The following LANCL3 variants were observed in gnomAD, a reference collection of about 807,000 sequenced individuals.
LANCL3 encodes LanC like family member 3, also known as lanC-like protein 3.
In LANCL3, 19 loss-of-function variants were observed where a neutral mutation model predicts 26.5. The observed-to-expected ratio is 0.72, with a 90% confidence interval of 0.50 to 1.05. The LOEUF (loss-of-function observed/expected upper bound fraction) is 1.05, where lower values mean the gene tolerates loss of function less well. Among genes scored for constraint, LANCL3 ranks in the 50% least tolerant of loss-of-function variants. The pLI, the probability that LANCL3 is intolerant of heterozygous loss-of-function variation, is 0.00. For missense variants in LANCL3, 318 were observed against 362.7 expected (o/e 0.88, Z 1.00); for synonymous variants, 160 against 166.6 (o/e 0.96, Z 0.30).
Position 37,636,552 on chromosome X carries a change from T to C in LANCL3, c.574-19136T>C, listed in dbSNP as rs987574223. Among the ~76,000 whole-genome samples the C allele has an allele frequency of 3.5e-5, 4 of 112,748 alleles. No homozygotes were observed. The Admixed American group carries it at 3.8e-4, about 11-fold the overall frequency. The stretch of plus-strand genomic sequence containing the variant: ...CTTATATGAAAGTCAGCTAGAAATT[T>C]GAATTTCTTCGCTTATTATATGGGT... On this transcript the variant is annotated intron_variant, in intron 1 of 4. Transcript: ENST00000378619.
rs782160757 is a variant in LANCL3, at chrX:37,599,955, TATTTGTATTG to T, written c.573+27513_573+27522del. On this transcript the variant is annotated intron_variant, in intron 1 of 4. Coordinates refer to ENST00000378619, the MANE Select transcript of LANCL3 (RefSeq NM_001170331.2). ...CAGGCAGCCTGCCAGACTTCTGAGA[TATTTGTATTG>T]GCTCATCGAGGTGACAGGAAGAAGT... Among the ~76,000 whole-genome samples, 864 of 112,187 alleles carry T rather than the reference TATTTGTATTG, an allele frequency of 7.7e-3. 11 individuals are homozygous for T. Among genetic ancestry groups the T allele is most frequent in the African/African-American group, 0.026 (814 of 30,899 alleles).
In LANCL3 at chrX:37,675,665, T is replaced by A; in HGVS notation, c.1115T>A (p.Phe372Tyr). Residue 372 changes from phenylalanine to tyrosine, a missense_variant, in exon 5 of 5, where the codon TTC becomes TAC. Coordinates refer to ENST00000378619, the MANE Select transcript of LANCL3 (RefSeq NM_001170331.2). Reference protein sequence around the residue: ...YIYRAQRFAQFLFTEEFKAGS... With the variant: ...YIYRAQRFAQYLFTEEFKAGS... ...TCTTCTTCTCTTAGGTTTGCTCAAT[T>A]CTTATTTACCGAGGAATTCAAGGCC... is the stretch of plus-strand genomic sequence containing the variant. 1 of 1,135,151 alleles carries A rather than the reference T, an allele frequency of 8.8e-7. No individual in the cohort carries two copies. Among genetic ancestry groups the A allele is most frequent in the Non-Finnish European group, 1.2e-6 (1 of 856,859 alleles). The allele number at this position is 1,135,151 out of a possible 1,213,427, so 93.5% of individuals were successfully genotyped here.
intron 1 of LANCL3, among the ~76,000 whole-genome samples, chrX:37,586,987 T>C (rs1924108266): frequency 8.9e-6 from 1 of 112,619 alleles, no homozygotes; most frequent in Non-Finnish European, 1.9e-5. Context: ...GTGGATGTAC[T>C]TTCAGTTTGT....
chrX:37,622,587 T>C (rs1925197027), intron 1 of LANCL3, among the ~76,000 whole-genome samples: 1 of 111,877 alleles, frequency 8.9e-6, no homozygotes, highest in Non-Finnish European at 1.9e-5. Flanking sequence ...AATACATGAA[T>C]TGCACACTTC....
At chrX:37,625,754 A>G (rs1925296448) in intron 1 of LANCL3, among the ~76,000 whole-genome samples, 2 of 110,728 alleles carry the variant, frequency 1.8e-5, no homozygotes, top group South Asian at 7.7e-4. Context: ...TCAGTACCTC[A>G]GTGTTCTCAT....
intron 1 of LANCL3, among the ~76,000 whole-genome samples, chrX:37,619,240 C>G (rs1925089848): frequency 9.0e-6 from 1 of 111,585 alleles, no homozygotes; most frequent in Admixed American, 9.5e-5. Flanking sequence ...CAATTATTAC[C>G]AACATTACCT....
intron 1 of LANCL3, among the ~76,000 whole-genome samples, chrX:37,609,453 A>C (rs782423527): frequency 1.8e-5 from 2 of 111,919 alleles, no homozygotes; most frequent in East Asian, 5.6e-4. Flanking sequence ...ATTGTGGATT[A>C]AGAATGGATT....
intron 1 of LANCL3, among the ~76,000 whole-genome samples, chrX:37,649,137 A>G (rs781911260): frequency 4.5e-5 from 5 of 112,216 alleles, no homozygotes; most frequent in Non-Finnish European, 9.4e-5. Context: ...TTATTCTACT[A>G]TAAAGACACA....
rs782456238 is a variant in LANCL3 at position 37,655,679 on chromosome X, C to T, written c.574-9C>T. The T allele has an allele frequency of 1.7e-6, 2 of 1,185,326 alleles. No homozygotes were observed. ...GCTTTGACTTCTACTTCTGGATTTC[C>T]TTATTCAGGTGCTGACTCCAGCACA... On this transcript the variant is annotated splice_polypyrimidine_tract_variant and intron_variant, in intron 1 of 4. Transcript: ENST00000378619.
At chrX:37,610,889 G>T (rs782119960) in intron 1 of LANCL3, among the ~76,000 whole-genome samples, 1 of 111,974 alleles carries the variant, frequency 8.9e-6, no homozygotes, top group Non-Finnish European at 1.9e-5. Context: ...AGTACATCCC[G>T]AGACAAGGAT....
chrX:37,646,524 T>C (rs1556426979), intron 1 of LANCL3, among the ~76,000 whole-genome samples: 1 of 112,873 alleles, frequency 8.9e-6, no homozygotes, highest in Non-Finnish European at 1.9e-5. Context: ...TTGTGAATAT[T>C]GACTTTGTAT....
At chrX:37,646,050 A>G (rs1368359549) in intron 1 of LANCL3, among the ~76,000 whole-genome samples, 1 of 112,348 alleles carries the variant, frequency 8.9e-6, no homozygotes, top group East Asian at 2.8e-4. Context: ...TATGAAGCCA[A>G]TATTTACTCC....
intron 1 of LANCL3, among the ~76,000 whole-genome samples, chrX:37,616,788 G>A (rs973751242): frequency 1.8e-5 from 2 of 111,516 alleles, no homozygotes; most frequent in East Asian, 2.8e-4. Context: ...TTAGAGTAGT[G>A]TTTTATCAGA....
intron 1 of LANCL3, among the ~76,000 whole-genome samples, chrX:37,585,349 C>T (rs145844243): frequency 1.8e-5 from 2 of 110,980 alleles, no homozygotes; most frequent in African/African-American, 6.6e-5. Flanking sequence ...CCTGGGTATC[C>T]TTGTTAACTT....
chrX:37,671,129 C>T (rs1926675324), intron 4 of LANCL3, among the ~76,000 whole-genome samples: 1 of 110,863 alleles, frequency 9.0e-6, no homozygotes, highest in African/African-American at 3.3e-5. Context: ...TAATGAACTC[C>T]ATTACTGTTT....
intron 1 of LANCL3, among the ~76,000 whole-genome samples, chrX:37,589,084 G>A (rs1486312184): frequency 1.8e-5 from 2 of 112,003 alleles, no homozygotes; most frequent in Non-Finnish European, 3.8e-5. Flanking sequence ...AAGAGATCCA[G>A]TGTCTAACCA....
intron 1 of LANCL3, among the ~76,000 whole-genome samples, chrX:37,615,192 G>A (rs1602109011): frequency 9.0e-6 from 1 of 111,596 alleles, no homozygotes; most frequent in South Asian, 3.8e-4. Context: ...TTTAATGCGC[G>A]TAGAAGTCCC....
At chrX:37,645,177 T>A (rs941807322) in intron 1 of LANCL3, among the ~76,000 whole-genome samples, 1 of 112,477 alleles carries the variant, frequency 8.9e-6, no homozygotes, top group Admixed American at 9.4e-5. Context: ...GTAAAACCTG[T>A]TTTTCTTTTC....
At chrX:37,615,076 T>G (rs1924970025) in intron 1 of LANCL3, among the ~76,000 whole-genome samples, 1 of 112,109 alleles carries the variant, frequency 8.9e-6, no homozygotes, top group African/African-American at 3.2e-5. Flanking sequence ...CACAAATTGG[T>G]TAAGTACCAT....
Sources: allele counts gnomAD v4.1 joint callset (sites outside exome capture counted in the v4.1 genomes callset), GRCh38; gene constraint gnomAD v4.1.1; transcripts MANE v1.5; gene names NCBI Gene and HGNC (gene_info 2026-07-23, HGNC 2026-07-21).